Variants in MFAP3L observed in about 807,000 individuals in gnomAD.
The protein encoded by MFAP3L is microfibrillar-associated protein 3-like.
MFAP3L carries 5 observed loss-of-function variants against 20.0 expected under a neutral mutation model. The ratio of observed to expected loss-of-function variants is 0.25; its 90% CI spans 0.13 to 0.53. MFAP3L has a LOEUF of 0.53. Ranked by LOEUF, MFAP3L falls within the 20% of genes least tolerant of loss-of-function variation. The pLI is 0.96. For synonymous variants in MFAP3L, 219 were observed against 213.0 expected, an observed-to-expected ratio of 1.03 and a Z score of -0.25; for missense variants, 409 against 527.5, an observed-to-expected ratio of 0.78 and a Z score of 2.20.
At chr4:169,997,681 C>T (rs951610737) in intron 2 of MFAP3L, 65 of 982,084 alleles carry the variant, frequency 6.6e-5, no homozygotes, top group African/African-American at 8.8e-5. Context: ...TGGAAAGTGA[C>T]GGCTGCCTGG....
intron 2 of MFAP3L, among the ~76,000 whole-genome samples, chr4:170,002,880 C>T (rs757781817): frequency 7.3e-5 from 11 of 151,578 alleles, no homozygotes; most frequent in Admixed American, 6.6e-5. Context: ...CAAAAAACAC[C>T]GCTCCATATA....
rs1381568509 is a variant in MFAP3L, at chr4:170,026,149, C to CGGCGCCGACTCG, written c.-134+73_-134+84dup. 3.4e-5 allele frequency: 28 copies of CGGCGCCGACTCG among 821,570 alleles called. 1 individual carries two copies. Among genetic ancestry groups the CGGCGCCGACTCG allele is most frequent in the Non-Finnish European group, 3.8e-5 (26 of 680,200 alleles). 50.9% of individuals were successfully genotyped at this position (821,570 alleles called of 1,614,324 possible). A position where few individuals can be genotyped will look rare whatever the true frequency, so the allele number is the denominator to read the frequency against. ...CAAACACCCGAAAGTTCGGCGGCCC[C>CGGCGCCGACTCG]GGCGCCGACTCGGCCGCCGACCCGG... On this transcript the variant is annotated intron_variant, in intron 1 of 2. Transcript: ENST00000361618.
intron 2 of MFAP3L, among the ~76,000 whole-genome samples, chr4:169,999,567 AC>A (rs928247410): frequency 1.3e-5 from 2 of 152,072 alleles, no homozygotes; most frequent in African/African-American, 4.8e-5. Flanking sequence ...AAATAACAGC[AC>A]CCTACACTTA....
rs1400073237 is a variant in MFAP3L at position 169,991,966 on chromosome 4, G to A, written c.642C>T (p.Ala214=). 1 of 1,614,050 alleles carries A rather than the reference G, an allele frequency of 6.2e-7. No homozygotes were observed. Among genetic ancestry groups the A allele is most frequent in the African/African-American group, 1.3e-5 (1 of 74,926 alleles). Residue 214 remains alanine (A), a synonymous_variant, in exon 3 of 3, where the codon GCC becomes GCT. Coordinates refer to ENST00000361618, the MANE Select transcript of MFAP3L (RefSeq NM_021647.8). This position sits in a 1 kb window ranked among gnomAD's most constrained non-coding sequence, Gnocchi z 4.9. Reference sequence around the variant, plus strand: ...TGACTTTGGCAAGCTCTAGAGTTTTGGCGGAGGTGATGATGGGGATGCGCT... The same window carrying A: ...TGACTTTGGCAAGCTCTAGAGTTTTAGCGGAGGTGATGATGGGGATGCGCT... ...IAKRIPIITS[A]KTLELAKVTQ... is the part of the protein sequence containing the mutation.
chr4:170,019,624 T>A (rs781531320), intron 1 of MFAP3L, among the ~76,000 whole-genome samples: 21 of 152,180 alleles, frequency 1.4e-4, no homozygotes, highest in Non-Finnish European at 2.4e-4. Context: ...CGTAAACCGA[T>A]GAGAATGATT....
In MFAP3L at chr4:169,991,641, G is replaced by T. The variant is rs1390639442; in HGVS notation, c.967C>A (p.Pro323Thr). Reference protein sequence around the residue: ...QQIAIKVSVHPQSKKEHADDQ... With the variant: ...QQIAIKVSVHTQSKKEHADDQ... ...TCTGCATGCTCTTTTTTGGACTGCG[G>T]GTGAACTGACACCTTGATGGCAATT... is the stretch of plus-strand genomic sequence containing the variant. Residue 323 changes from proline to threonine, a missense_variant, in exon 3 of 3, where the codon CCG becomes ACG. Physicochemically the swap from Pro to Thr is conservative, Grantham distance 38. Coordinates refer to ENST00000361618, the MANE Select transcript of MFAP3L (RefSeq NM_021647.8). This position sits in a 1 kb window ranked among gnomAD's most constrained non-coding sequence, Gnocchi z 4.9. The T allele has an allele frequency of 6.2e-7, 1 of 1,614,170 alleles. No homozygotes were observed. Among genetic ancestry groups the T allele is most frequent in the Non-Finnish European group, 8.5e-7 (1 of 1,180,036 alleles).
At position 170,005,667 on chromosome 4, in the gene MFAP3L, A is replaced by G. The variant is rs1296864566; in HGVS notation, c.211T>C (p.Tyr71His). 1.9e-6 allele frequency: 3 copies of G among 1,614,116 alleles called. No homozygotes were observed. The highest frequency in any genetic ancestry group is 2.7e-5 in the African/African-American group (2 of 74,944). ...GNSALINCSV[Y>H]GIPDPQFKWY... is the part of the protein sequence containing the mutation. ...TTGAACTGTGGGTCAGGGATGCCAT[A>G]AACACTACAGTTAATCAAGGCACTG... Residue 71 changes from tyrosine to histidine, a missense_variant, in exon 2 of 3, where the codon TAT becomes CAT. Physicochemically the swap from Tyr to His is moderately conservative, Grantham distance 83. Transcript: ENST00000361618.
At chr4:170,001,886 T>C (rs1738646890) in intron 2 of MFAP3L, 1 of 977,648 alleles carries the variant, frequency 1.0e-6, no homozygotes, top group Admixed American at 6.2e-5. Flanking sequence ...GCAAACCAGC[T>C]GCTGCTCCTG....
intron 2 of MFAP3L, chr4:169,994,992 C>T (rs1404737352): frequency 6.6e-6 from 1 of 151,726 alleles, no homozygotes; most frequent in Admixed American, 6.6e-5. Flanking sequence ...CTGTAACCAT[C>T]TAGTTAAATG....
Position 169,992,209 on chromosome 4 carries a change from G to A in MFAP3L, c.399C>T (p.Thr133=), listed in dbSNP as rs576683407. Residue 133 remains threonine (T), a synonymous_variant, in exon 3 of 3, where the codon ACC becomes ACT. Coordinates refer to ENST00000361618, the MANE Select transcript of MFAP3L (RefSeq NM_021647.8). This position sits in a 1 kb window ranked among gnomAD's most constrained non-coding sequence, Gnocchi z 4.3. ...YTCVASNIYG[T]VNNTVTLRVI... ...CGCGCAAGGTCACCGTGTTGTTCAC[G>A]GTGCCGTAGATGTTAGAAGCCACAC... is the stretch of plus-strand genomic sequence containing the variant. 18 of 1,614,126 alleles carry A rather than the reference G, an allele frequency of 1.1e-5. No individual in the cohort carries two copies. Among genetic ancestry groups the A allele is most frequent in the South Asian group, 7.7e-5 (7 of 91,078 alleles).
At chr4:169,993,020 C>T (rs1462893100) in intron 2 of MFAP3L, among the ~76,000 whole-genome samples, 1 of 152,114 alleles carries the variant, frequency 6.6e-6, no homozygotes, top group African/African-American at 2.4e-5. Context: ...AATTACAGAC[C>T]CATCAAGTTG....
intron 1 of MFAP3L, among the ~76,000 whole-genome samples, chr4:170,020,693 C>A (rs1202923155): frequency 1.3e-5 from 2 of 149,544 alleles, no homozygotes; most frequent in Non-Finnish European, 3.0e-5. Flanking sequence ...CCAACCCCAG[C>A]AAGTTCTCTT....
chr4:169,999,696 G>A (rs545716582), intron 2 of MFAP3L, among the ~76,000 whole-genome samples: 78 of 152,330 alleles, frequency 5.1e-4, no homozygotes, highest in Admixed American at 4.3e-3. Flanking sequence ...CCCAAGTGGA[G>A]CACAACTCAC....
intron 2 of MFAP3L, chr4:169,997,635 A>ATTT (rs1738275868): frequency 1.2e-6 from 1 of 852,164 alleles, no homozygotes; most frequent in Non-Finnish European, 1.4e-6. Flanking sequence ...TCAGGTTGCC[A>ATTT]GAATAAAGGG....
intron 1 of MFAP3L, among the ~76,000 whole-genome samples, chr4:170,016,459 C>A (rs561139937): frequency 6.6e-6 from 1 of 152,204 alleles, no homozygotes; most frequent in African/African-American, 2.4e-5. Flanking sequence ...CTTCAACCAG[C>A]GAGGCCCTTC....
At chr4:170,001,580 G>A (rs1178674336) in intron 2 of MFAP3L, among the ~76,000 whole-genome samples, 1 of 152,162 alleles carries the variant, frequency 6.6e-6, no homozygotes, top group Non-Finnish European at 1.5e-5. Flanking sequence ...TAATGTAAAT[G>A]GTTTAAAGTC....
intron 2 of MFAP3L, chr4:169,994,430 CT>C (rs1352428377): frequency 1.0e-6 from 1 of 984,646 alleles, no homozygotes; most frequent in African/African-American, 1.7e-5. Flanking sequence ...TTCCCCAAAC[CT>C]AAGTTACAAC....
At chr4:170,015,026 T>C (rs1329718120) in intron 1 of MFAP3L, among the ~76,000 whole-genome samples, 2 of 152,216 alleles carry the variant, frequency 1.3e-5, no homozygotes, top group Non-Finnish European at 2.9e-5. Flanking sequence ...GCAGGTCTCC[T>C]GCAGCCGTGG....
intron 1 of MFAP3L, chr4:170,006,520 T>C (rs1441249103): frequency 6.6e-6 from 1 of 152,238 alleles, no homozygotes; most frequent in Non-Finnish European, 1.5e-5. Flanking sequence ...ACATATAGAT[T>C]TTATAGGAAC....
Sources: allele counts gnomAD v4.1 joint callset (sites outside exome capture counted in the v4.1 genomes callset), GRCh38; gene constraint gnomAD v4.1.1; non-coding constraint Gnocchi (gnomAD v3.1); transcripts MANE v1.5; gene names NCBI Gene and HGNC (gene_info 2026-07-23, HGNC 2026-07-21).